The following SEMA5A variants were observed in gnomAD, a reference collection of about 807,000 sequenced individuals.
SEMA5A encodes the protein semaphorin-5A.
A neutral mutation model predicts 135.5 loss-of-function variants in SEMA5A; 55 were observed. That is an observed-to-expected ratio of 0.41 (90% CI 0.33 to 0.51). The LOEUF is 0.51. Ranked by LOEUF, SEMA5A falls within the 20% of genes least tolerant of loss-of-function variation. The pLI, the probability that SEMA5A is intolerant of heterozygous loss-of-function variation, is 0.37. For synonymous variants in SEMA5A, 580 were observed against 546.5 expected (o/e 1.06, Z -0.85); for missense variants, 1,290 against 1,419.9 (o/e 0.91, Z 1.47).
chr5:9,437,221 T>A (rs1267584761), intron 2 of SEMA5A, among the ~76,000 whole-genome samples: 1 of 152,182 alleles, frequency 6.6e-6, no homozygotes, highest in Non-Finnish European at 1.5e-5. Flanking sequence ...CTAAGAAGCA[T>A]CTAAGCCTTT....
At chr5:9,540,184 G>C (rs11958932) in intron 1 of SEMA5A, among the ~76,000 whole-genome samples, 123,991 of 152,120 alleles carry the variant, frequency 0.82, 50,615 homozygotes, top group Middle Eastern at 0.85. Flanking sequence ...GTTCTAGGCA[G>C]CGTGGGCAAC....
At chr5:9,492,550 C>A (rs201767052) in intron 1 of SEMA5A, among the ~76,000 whole-genome samples, 4 of 152,174 alleles carry the variant, frequency 2.6e-5, no homozygotes, top group East Asian at 1.9e-4. Flanking sequence ...ACCCAACATC[C>A]ATTTACCTCC....
chr5:9,162,256 C>A (rs1056764318), intron 11 of SEMA5A, among the ~76,000 whole-genome samples: 1 of 151,952 alleles, frequency 6.6e-6, no homozygotes. Flanking sequence ...TTTCCATCAT[C>A]CAGAGCCTGA....
chr5:9,258,011 C>T (rs1579727689), intron 5 of SEMA5A, among the ~76,000 whole-genome samples: 1 of 152,286 alleles, frequency 6.6e-6, no homozygotes, highest in East Asian at 1.9e-4. Context: ...CTGCCAGCAC[C>T]TAGTGCAAAC....
At chr5:9,254,882 G>A (rs987248031) in intron 5 of SEMA5A, among the ~76,000 whole-genome samples, 20 of 152,170 alleles carry the variant, frequency 1.3e-4, no homozygotes, top group Non-Finnish European at 2.6e-4. Flanking sequence ...GCTAGTTTAA[G>A]CCCGTGGTGA....
chr5:9,071,162 G>A (rs900647103), intron 16 of SEMA5A, among the ~76,000 whole-genome samples: 7 of 152,208 alleles, frequency 4.6e-5, no homozygotes, highest in African/African-American at 7.2e-5. Context: ...TGTTCCCCAC[G>A]TATTATGTAT....
At chr5:9,046,640 G>A (rs563960369) in intron 21 of SEMA5A, among the ~76,000 whole-genome samples, 1 of 152,282 alleles carries the variant, frequency 6.6e-6, no homozygotes, top group South Asian at 2.1e-4. Context: ...ATGCCATCAA[G>A]GCCTCACCTG....
chr5:9,077,253 TC>T (rs1335590096), intron 16 of SEMA5A, among the ~76,000 whole-genome samples: 1 of 152,136 alleles, frequency 6.6e-6, no homozygotes, highest in Non-Finnish European at 1.5e-5. Context: ...TACTTAGCCA[TC>T]CCAAATAAAC....
At chr5:9,152,155 C>T (rs1742666632) in intron 12 of SEMA5A, among the ~76,000 whole-genome samples, 1 of 152,204 alleles carries the variant, frequency 6.6e-6, no homozygotes, top group African/African-American at 2.4e-5. Context: ...CTCTGTAAGC[C>T]ATGCACTCCC....
rs1365947846 is a variant in SEMA5A at position 9,039,425 on chromosome 5, T to G, written c.*3472A>C. ...AACGGACTCTTCCTAGGGACAGAGG[T>G]TTCTCCCCAGCAGGGATGCCCTCAC... On this transcript the variant is annotated 3_prime_UTR_variant, in exon 23 of 23. Coordinates refer to ENST00000382496, the MANE Select transcript of SEMA5A (RefSeq NM_003966.3). The G allele has an allele frequency of 6.6e-6, 1 of 152,224 alleles. No individual in the cohort carries two copies. Among genetic ancestry groups the G allele is most frequent in the Admixed American group, 6.5e-5 (1 of 15,280 alleles). 9.4% of individuals were successfully genotyped at this position (152,224 alleles called of 1,614,324 possible). A position where few individuals can be genotyped will look rare whatever the true frequency, so the allele number is the denominator to read the frequency against.
intron 5 of SEMA5A, among the ~76,000 whole-genome samples, chr5:9,272,943 A>G (rs577444197): frequency 6.9e-4 from 105 of 152,274 alleles, no homozygotes; most frequent in African/African-American, 2.5e-3. Flanking sequence ...AAAAACCAGA[A>G]TGCCTCTTCT....
rs746059844 is a variant in SEMA5A at position 9,224,882 on chromosome 5, G to A, written c.438C>T (p.Ser146=). The part of the protein sequence containing the change: ...FTPVCTNRSL[S]NLTEIHDQIS... ...TCTGATCATGGATCTCAGTCAGGTT[G>A]CTCAACTGTGGGGGAGGATGAGAGG... Residue 146 remains serine, a synonymous_variant, in exon 8 of 23, where the codon AGC becomes AGT. Transcript: ENST00000382496. 23 of 1,611,888 alleles carry A rather than the reference G, an allele frequency of 1.4e-5. 1 individual carries two copies. In the South Asian group the frequency reaches 2.3e-4, roughly 16 times the overall value.
intron 5 of SEMA5A, among the ~76,000 whole-genome samples, chr5:9,290,745 A>G: frequency 6.6e-6 from 1 of 152,196 alleles, no homozygotes; most frequent in Non-Finnish European, 1.5e-5. Context: ...ATTTTTCAAT[A>G]TCTTAAATTA....
intron 13 of SEMA5A, among the ~76,000 whole-genome samples, chr5:9,123,689 G>T (rs1324111110): frequency 6.6e-6 from 1 of 152,112 alleles, no homozygotes; most frequent in East Asian, 1.9e-4. Flanking sequence ...TTAAAGACTT[G>T]GTTTGGCTCT....
intron 14 of SEMA5A, among the ~76,000 whole-genome samples, chr5:9,121,728 C>A (rs1269999986): frequency 6.6e-6 from 1 of 152,160 alleles, no homozygotes; most frequent in Non-Finnish European, 1.5e-5. Context: ...TCTCTGTGGC[C>A]CTGATTTGCT....
At chr5:9,136,683 A>G (rs1477726430) in intron 12 of SEMA5A, 62 bp from the exon 13 acceptor site, 8 of 1,345,228 alleles carry the variant, frequency 5.9e-6, no homozygotes, top group Non-Finnish European at 8.6e-6. Flanking sequence ...GATACACAAG[A>G]CAAGGCGAAC....
At chr5:9,486,207 G>C (rs190720546) in intron 1 of SEMA5A, among the ~76,000 whole-genome samples, 2 of 152,280 alleles carry the variant, frequency 1.3e-5, no homozygotes, top group Admixed American at 1.3e-4. Context: ...ACTCATAAGT[G>C]GGAGGTGAAC....
intron 5 of SEMA5A, among the ~76,000 whole-genome samples, chr5:9,307,090 G>A (rs911667939): frequency 2.6e-5 from 4 of 152,144 alleles, no homozygotes; most frequent in Non-Finnish European, 4.4e-5. Context: ...AATAATAACT[G>A]AGTATTGCCA....
rs1560995550 is a variant in SEMA5A at position 9,182,161 on chromosome 5, A to AC, written c.1273+8105_1273+8106insG. Among the ~76,000 whole-genome samples, 4 of 119,944 alleles carry AC rather than the reference A, an allele frequency of 3.3e-5. No homozygotes were observed. The South Asian group carries it at 1.0e-3, about 30-fold the overall frequency. 78.7% of individuals were successfully genotyped at this position (119,944 alleles called of 152,430 possible). A position where few individuals can be genotyped will look rare whatever the true frequency, so the allele number is the denominator to read the frequency against. ...TTTTATTGCTTCTGCCCCCCACCCC[A>AC]AAAAAAAATACGCTTCCTGAGGACA... is the stretch of plus-strand genomic sequence containing the variant. On this transcript the variant is annotated intron_variant, in intron 11 of 22. Transcript: ENST00000382496.
Sources: allele counts gnomAD v4.1 joint callset (sites outside exome capture counted in the v4.1 genomes callset), GRCh38; gene constraint gnomAD v4.1.1; transcripts MANE v1.5; gene names NCBI Gene and HGNC (gene_info 2026-07-23, HGNC 2026-07-21).